Variants in CCSER1 observed in about 807,000 individuals in gnomAD.
CCSER1 encodes the protein serine-rich coiled-coil domain-containing protein 1.
Under a neutral mutation model 82.0 loss-of-function variants are expected in CCSER1, and 41 were observed. The ratio of observed to expected loss-of-function variants is 0.50; its 90% CI spans 0.39 to 0.65. CCSER1 has a LOEUF of 0.65. CCSER1 is among the 30% of genes least tolerant of loss of function. The pLI, the probability that CCSER1 is intolerant of heterozygous loss-of-function variation, is 0.00. For synonymous variants in CCSER1, 414 were observed against 383.9 expected (o/e 1.08, Z -0.92); for missense variants, 1,119 against 1,064.2 (o/e 1.05, Z -0.72).
At chr4:90,795,301 A>G (rs1755837948) in intron 7 of CCSER1, among the ~76,000 whole-genome samples, 1 of 151,964 alleles carries the variant, frequency 6.6e-6, no homozygotes, top group African/African-American at 2.4e-5. Flanking sequence ...AAAAAAAAAA[A>G]AAAGGAAACA....
intron 8 of CCSER1, among the ~76,000 whole-genome samples, chr4:90,892,969 G>A (rs1352607971): frequency 6.6e-6 from 1 of 152,046 alleles, no homozygotes; most frequent in East Asian, 1.9e-4. Flanking sequence ...GATTACAGAG[G>A]GCATTTATTT....
At chr4:91,069,815 A>G (rs1290795508) in intron 9 of CCSER1, among the ~76,000 whole-genome samples, 1 of 152,208 alleles carries the variant, frequency 6.6e-6, no homozygotes, top group Non-Finnish European at 1.5e-5. Context: ...GGGAGAGATC[A>G]TTAAAAGAAG....
chr4:90,231,218 C>A (rs931047650), intron 1 of CCSER1, among the ~76,000 whole-genome samples: 10 of 151,944 alleles, frequency 6.6e-5, no homozygotes, highest in Non-Finnish European at 1.3e-4. Flanking sequence ...ATGCAAAAAT[C>A]CTCAATAAAA....
intron 4 of CCSER1, among the ~76,000 whole-genome samples, chr4:90,430,570 A>C (rs1758131800): frequency 6.6e-6 from 1 of 151,938 alleles, no homozygotes; most frequent in Non-Finnish European, 1.5e-5. Flanking sequence ...TTAAATGTTT[A>C]AATATTTTAG....
intron 10 of CCSER1, among the ~76,000 whole-genome samples, chr4:91,332,441 T>A (rs1747022626): frequency 6.6e-6 from 1 of 151,758 alleles, no homozygotes; most frequent in Non-Finnish European, 1.5e-5. Flanking sequence ...AATATAATAA[T>A]AAATACACTG....
chr4:91,590,223 T>C (rs962711613), intron 10 of CCSER1, among the ~76,000 whole-genome samples: 7 of 152,048 alleles, frequency 4.6e-5, no homozygotes, highest in African/African-American at 1.4e-4. Context: ...AGAAGCGAGG[T>C]TGAACCAGAA....
At chr4:90,801,799 G>A (rs555619749) in intron 7 of CCSER1, among the ~76,000 whole-genome samples, 1 of 152,218 alleles carries the variant, frequency 6.6e-6, no homozygotes, top group East Asian at 1.9e-4. Context: ...AAATACCAGA[G>A]AAAATCAGAG....
intron 1 of CCSER1, among the ~76,000 whole-genome samples, chr4:90,232,437 T>G (rs1201720496): frequency 6.6e-6 from 1 of 152,186 alleles, no homozygotes. Flanking sequence ...AAGCTGAAAC[T>G]GGATCCCTTC....
chr4:90,880,752 C>A (rs1477738461), intron 8 of CCSER1, among the ~76,000 whole-genome samples: 4 of 152,132 alleles, frequency 2.6e-5, no homozygotes, highest in Admixed American at 2.6e-4. Context: ...GCTGGGGGCC[C>A]ACTTCAGTCT....
At chr4:91,409,937 C>T (rs754584344) in intron 10 of CCSER1, among the ~76,000 whole-genome samples, 9 of 152,186 alleles carry the variant, frequency 5.9e-5, no homozygotes, top group Non-Finnish European at 8.8e-5. Flanking sequence ...CCACTGTGGC[C>T]TCAGGCCGTT....
chr4:91,222,314 C>A (rs1047816412), intron 10 of CCSER1, among the ~76,000 whole-genome samples: 3 of 151,774 alleles, frequency 2.0e-5, no homozygotes, highest in African/African-American at 4.8e-5. Context: ...TAATCGCCAC[C>A]CTTGAGTTCT....
At chr4:91,325,156 C>T in intron 10 of CCSER1, 1 of 456,048 alleles carries the variant, frequency 2.2e-6, no homozygotes, top group Non-Finnish European at 4.4e-6. Context: ...TAGCAGTGGT[C>T]CTCTTTTTCT....
At chr4:91,496,105 T>C (rs1353247380) in intron 10 of CCSER1, among the ~76,000 whole-genome samples, 1 of 151,604 alleles carries the variant, frequency 6.6e-6, no homozygotes, top group African/African-American at 2.4e-5. Flanking sequence ...CCTGAGAATC[T>C]CTAAGTGTCA....
chr4:90,212,921 A>G (rs950536979), intron 1 of CCSER1, among the ~76,000 whole-genome samples: 23 of 152,214 alleles, frequency 1.5e-4, no homozygotes, highest in African/African-American at 5.5e-4. Flanking sequence ...TGAATGAGCC[A>G]GGAGAACAGT....
rs753973015 is a variant in CCSER1 at position 91,593,467 on chromosome 4, C to CTTTT, written c.2218-5082_2218-5079dup. Among the ~76,000 whole-genome samples, 41 of 55,040 alleles carry CTTTT rather than the reference C, an allele frequency of 7.4e-4. 5 individuals carry two copies. Among genetic ancestry groups the CTTTT allele is most frequent in the Non-Finnish European group, 1.1e-3 (32 of 30,304 alleles). 36.1% of individuals were successfully genotyped at this position (55,040 alleles called of 152,430 possible). A position where few individuals can be genotyped will look rare whatever the true frequency, so the allele number is the denominator to read the frequency against. Reference sequence around the variant, plus strand: ...TAACTGTCTTGTTTTCAACCCCGTGCTTTTTTTTTTTTTTTTTTTTTTTTT... The same window carrying CTTTT: ...TAACTGTCTTGTTTTCAACCCCGTGCTTTTTTTTTTTTTTTTTTTTTTTTTTTTT... On this transcript the variant is annotated intron_variant, in intron 10 of 10. Transcript: ENST00000509176.
rs928506700 is a variant in CCSER1 at position 90,468,459 on chromosome 4, G to A, written c.1724+105G>A. On this transcript the variant is annotated intron_variant, in intron 5 of 10. Coordinates refer to ENST00000509176, the MANE Select transcript of CCSER1 (RefSeq NM_001145065.2). ...TGTTAATATTAGTATAAAGAAAGAA[G>A]AAATAAATTTTATGGGTTAAAAAAT... 1.3e-5 allele frequency: 13 copies of A among 1,027,218 alleles called. No homozygotes were observed. In the East Asian group the frequency reaches 3.6e-4, roughly 29 times the overall value. The allele number at this position is 1,027,218 out of a possible 1,614,324, so 63.6% of individuals were successfully genotyped here. A position where few individuals can be genotyped will look rare whatever the true frequency, so the allele number is the denominator to read the frequency against.
intron 5 of CCSER1, among the ~76,000 whole-genome samples, chr4:90,610,827 G>T (rs1785371379): frequency 6.6e-6 from 1 of 152,060 alleles, no homozygotes; most frequent in Non-Finnish European, 1.5e-5. Flanking sequence ...TTACATTAAT[G>T]AGATGAGAAA....
intron 10 of CCSER1, among the ~76,000 whole-genome samples, chr4:91,405,749 G>A (rs1327067548): frequency 6.6e-5 from 10 of 152,198 alleles, no homozygotes. Flanking sequence ...GGGTAAGAGT[G>A]TCCGAATTTT....
At chr4:90,719,003 G>A (rs1252969799) in intron 6 of CCSER1, among the ~76,000 whole-genome samples, 1 of 151,908 alleles carries the variant, frequency 6.6e-6, no homozygotes, top group African/African-American at 2.4e-5. Context: ...TGTTATTCCC[G>A]AGTCACATTC....
Sources: gnomAD v4.1 joint callset for allele counts (sites outside exome capture counted in the v4.1 genomes callset) on GRCh38, gnomAD v4.1.1 for gene constraint, MANE v1.5 for transcripts, NCBI Gene and HGNC (gene_info 2026-07-23, HGNC 2026-07-21) for gene names.